Variants in PTCH1 observed in about 807,000 individuals in gnomAD.
PTCH1 encodes protein patched homolog 1.
A neutral mutation model predicts 144.6 loss-of-function variants in PTCH1; 14 were observed. The ratio of observed to expected loss-of-function variants is 0.10; its 90% CI spans 0.06 to 0.15. PTCH1 has a LOEUF of 0.15. Among genes scored for constraint, PTCH1 ranks in the 10% least tolerant of loss-of-function variants. The pLI, the probability that PTCH1 is intolerant of heterozygous loss-of-function variation, is 1.00. For missense variants in PTCH1, 1,623 were observed against 1,948.3 expected (o/e 0.83, Z 3.14); for synonymous variants, 833 against 793.6 (o/e 1.05, Z -0.83).
chr9:95,471,432 T>C (rs896024864), intron 12 of PTCH1, among the ~76,000 whole-genome samples: 4 of 152,262 alleles, frequency 2.6e-5, no homozygotes, highest in Admixed American at 2.6e-4. Context: ...CTTACCACTC[T>C]AATGTATTTA....
upstream of PTCH1, among the ~76,000 whole-genome samples, chr9:95,513,525 C>T (rs905900627): frequency 6.6e-6 from 1 of 152,074 alleles, no homozygotes; most frequent in Non-Finnish European, 1.5e-5. Context: ...GAGTGATGGT[C>T]AAGGCAGGGC....
rs557958570 is a variant in PTCH1 at position 95,459,312 on chromosome 9, C to T, written c.2887+288G>A. On this transcript the variant is annotated intron_variant, in intron 17 of 23. Coordinates refer to ENST00000331920, the MANE Select transcript of PTCH1 (RefSeq NM_000264.5). ...ATAACACTTAACCTGGAGGCGTCCCCGGTGTTCACAGGGAACAGCTGGCAC... is the reference window on the plus strand; with the variant it reads ...ATAACACTTAACCTGGAGGCGTCCCTGGTGTTCACAGGGAACAGCTGGCAC... Among the ~76,000 whole-genome samples, 14 of 152,262 alleles carry T rather than the reference C, an allele frequency of 9.2e-5. No individual in the cohort carries two copies. The South Asian group carries it at 2.7e-3, about 29-fold the overall frequency.
At chr9:95,475,648 G>A (rs923793599) in intron 12 of PTCH1, among the ~76,000 whole-genome samples, 3 of 152,150 alleles carry the variant, frequency 2.0e-5, no homozygotes, top group Admixed American at 6.5e-5. Flanking sequence ...CAGCGGGAGA[G>A]GGGGTAAGTG....
chr9:95,498,618 A>G (rs532385834), intron 2 of PTCH1, among the ~76,000 whole-genome samples: 1 of 152,292 alleles, frequency 6.6e-6, no homozygotes, highest in African/African-American at 2.4e-5. Flanking sequence ...GGCATTAGAC[A>G]TTGCAGTGTA....
At chr9:95,514,647 T>TGTGTGTGTGTGAGA (rs56689083) in intron 1 of PTCH1, 37 of 148,920 alleles carry the variant, frequency 2.5e-4, no homozygotes, top group African/African-American at 7.3e-4. Context: ...TGTGTGTGTG[T>TGTGTGTGTGTGAGA]GAGAGAGAGA....
intron 2 of PTCH1, among the ~76,000 whole-genome samples, chr9:95,493,049 C>T (rs1806794095): frequency 6.6e-6 from 1 of 152,202 alleles, no homozygotes; most frequent in African/African-American, 2.4e-5. Flanking sequence ...TTTGATCAAG[C>T]TCTGCTGATC....
rs750650083 is a variant in PTCH1 at position 95,508,144 on chromosome 9, G to T, written c.201+17C>A. 15 of 1,612,218 alleles carry T rather than the reference G, an allele frequency of 9.3e-6. No homozygotes were observed. Among genetic ancestry groups the T allele is most frequent in the Non-Finnish European group, 1.2e-5 (14 of 1,179,626 alleles). ...GAGGAGGGAAGAGAAAGTGGGAGGA[G>T]AGAGTCTGAAATGCACCTTGGAAAT... On this transcript the variant is annotated intron_variant, in intron 1 of 23. Coordinates refer to ENST00000331920, the MANE Select transcript of PTCH1 (RefSeq NM_000264.5).
At position 95,459,563 on chromosome 9, in the gene PTCH1, T is replaced by C. The variant is rs55815405; in HGVS notation, c.2887+37A>G. ...TTTGGAGAACCAGGGAAGGCACCTC[T>C]GTAAGTTCCCAGACCTCCCGATAAA... On this transcript the variant is annotated intron_variant, in intron 17 of 23. Transcript: ENST00000331920. 1,789 of 1,611,324 alleles carry C rather than the reference T, an allele frequency of 1.1e-3. 15 individuals carry two copies. In the African/African-American group the frequency reaches 0.021, roughly 19 times the overall value.
upstream of PTCH1, among the ~76,000 whole-genome samples, chr9:95,510,767 G>C (rs1209548596): frequency 2.0e-5 from 3 of 151,474 alleles, no homozygotes; most frequent in Admixed American, 6.6e-5. Context: ...AGGAAAGAAA[G>C]AAACCCAGAT....
chr9:95,466,861 C>T (rs1840047544), intron 15 of PTCH1, among the ~76,000 whole-genome samples: 1 of 152,184 alleles, frequency 6.6e-6, no homozygotes, highest in South Asian at 2.1e-4. Flanking sequence ...CAACATGCTC[C>T]CCTTTTCCTG....
chr9:95,456,918 T>G (rs1838989713), intron 18 of PTCH1, among the ~76,000 whole-genome samples: 1 of 152,136 alleles, frequency 6.6e-6, no homozygotes, highest in Non-Finnish European at 1.5e-5. Flanking sequence ...CAAAGTAGTT[T>G]TGCTTTTGTG....
rs1441498503 is a variant in PTCH1, at chr9:95,445,033, T to C, written c.*1360A>G. ...TGTTTGGATTTACTTAGGAAGCACG[T>C]ACCCTAAACACTGGTGCATGAAGAA... On this transcript the variant is annotated 3_prime_UTR_variant, in exon 24 of 24. Coordinates refer to ENST00000331920, the MANE Select transcript of PTCH1 (RefSeq NM_000264.5). 1 of 152,210 alleles carries C rather than the reference T, an allele frequency of 6.6e-6. No homozygotes were observed. The highest frequency in any genetic ancestry group is 6.5e-5 in the Admixed American group (1 of 15,272). The allele number at this position is 152,210 out of a possible 1,614,324, so 9.4% of individuals were successfully genotyped here.
At chr9:95,482,686 T>C (rs560006681) in intron 3 of PTCH1, 27 of 204,492 alleles carry the variant, frequency 1.3e-4, no homozygotes, top group Admixed American at 5.3e-4. Context: ...ATTAATATTA[T>C]AAACAACAAC....
intron 2 of PTCH1, among the ~76,000 whole-genome samples, chr9:95,506,014 G>A (rs1843578497): frequency 1.4e-5 from 2 of 147,924 alleles, no homozygotes; most frequent in Admixed American, 6.7e-5. Flanking sequence ...GTGGGGGAGA[G>A]AAGAAAGCCG....
At position 95,508,409 on chromosome 9, in the gene PTCH1, G is replaced by T. The variant is rs1019847046; in HGVS notation, c.-48C>A. 1.7e-5 allele frequency: 18 copies of T among 1,073,924 alleles called. No individual in the cohort carries two copies. The highest frequency in any genetic ancestry group is 2.0e-5 in the Non-Finnish European group (18 of 889,484). The allele number at this position is 1,073,924 out of a possible 1,614,324, so 66.5% of individuals were successfully genotyped here. ...CCGCGGGGACGGAGGCTTCCCGGGC[G>T]GCCCGGCGCGCTGCTGCCGCTGCTG... On this transcript the variant is annotated 5_prime_UTR_variant, in exon 1 of 24. Transcript: ENST00000331920.
intron 13 of PTCH1, 172 bp from the exon 14 acceptor site, chr9:95,469,325 G>T: frequency 1.1e-6 from 1 of 931,992 alleles, no homozygotes. Context: ...AACATCACCT[G>T]GTTCATCGCC....
chr9:95,479,814 G>T, intron 7 of PTCH1, 155 bp downstream of exon 7: 1 of 1,231,910 alleles, frequency 8.1e-7, no homozygotes, highest in Non-Finnish European at 1.2e-6. Flanking sequence ...GTTGCAGTCT[G>T]CTACTATTTC....
chr9:95,481,127 T>C (rs1841503193), intron 5 of PTCH1, among the ~76,000 whole-genome samples: 4 of 152,220 alleles, frequency 2.6e-5, no homozygotes, highest in African/African-American at 9.6e-5. Context: ...ACACTCACTT[T>C]TGAATCTGTG....
intron 7 of PTCH1, 106 bp downstream of exon 7, chr9:95,479,863 G>T (rs553881442): frequency 2.6e-6 from 4 of 1,561,762 alleles, no homozygotes; most frequent in Non-Finnish European, 3.5e-6. Context: ...CGAGGATAAC[G>T]GTTTAAGTAT....
Sources: allele counts gnomAD v4.1 joint callset (sites outside exome capture counted in the v4.1 genomes callset), GRCh38; gene constraint gnomAD v4.1.1; transcripts MANE v1.5; gene names NCBI Gene and HGNC (gene_info 2026-07-23, HGNC 2026-07-21).